The following DOCK6 variants were observed in gnomAD, a reference collection of about 807,000 sequenced individuals.
The protein encoded by DOCK6 is dedicator of cytokinesis protein 6.
Under a neutral mutation model 230.3 loss-of-function variants are expected in DOCK6, and 167 were observed. That is an observed-to-expected ratio of 0.73 (90% CI 0.64 to 0.82). The LOEUF (loss-of-function observed/expected upper bound fraction) is 0.82, where lower values mean the gene tolerates loss of function less well. Among genes scored for constraint, DOCK6 ranks in the 40% least tolerant of loss-of-function variants. The pLI is 0.00. For missense variants in DOCK6, 2,598 were observed against 2,825.8 expected, an observed-to-expected ratio of 0.92 and a Z score of 1.83; for synonymous variants, 1,148 against 1,185.0, an observed-to-expected ratio of 0.97 and a Z score of 0.64.
chr19:11,222,126 G>A lies in DOCK6; in HGVS notation c.3363C>T (p.Leu1121=), dbSNP rs368861311. The A allele has an allele frequency of 2.1e-5, 34 of 1,612,940 alleles. No individual in the cohort carries two copies. Among genetic ancestry groups the A allele is most frequent in the Middle Eastern group, 1.6e-4 (1 of 6,082 alleles). ...GLLLTELALA[L]EPEAEGAFLL... is the part of the protein sequence containing the mutation. ...CTGCTCACCCTTCAGCCTCAGGTTC[G>A]AGGGCCAGTGCCAGCTCCGTCAGCA... is the stretch of plus-strand genomic sequence containing the variant. The change falls in exon 27 of 48, where the codon CTC becomes CTT. Residue 1121 remains leucine (L), a synonymous_variant. Transcript: ENST00000294618. The surrounding 1 kb of genome is among the most constrained non-coding windows in gnomAD (Gnocchi z 4.0).
In DOCK6 at chr19:11,236,017, A is replaced by G; in HGVS notation, c.2393-258T>C. 2 of 503,114 alleles carry G rather than the reference A, an allele frequency of 4.0e-6. No homozygotes were observed. The highest frequency in any genetic ancestry group is 6.9e-6 in the Non-Finnish European group (2 of 290,642). The allele number at this position is 503,114 out of a possible 1,614,324, so 31.2% of individuals were successfully genotyped here. ...TGCCTCAGCCTCCCGAGTAGCTGGG[A>G]TTACAGGCATGCGCCACCACGCCCA... On this transcript the variant is annotated intron_variant, in intron 20 of 47. Coordinates refer to ENST00000294618, the MANE Select transcript of DOCK6 (RefSeq NM_020812.4). The surrounding 1 kb of genome is among the most constrained non-coding windows in gnomAD (Gnocchi z 5.2).
At position 11,204,296 on chromosome 19, in the gene DOCK6, C is replaced by A; in HGVS notation, c.5124G>T (p.Lys1708Asn). The change falls in exon 40 of 48, where the codon AAG becomes AAT. Residue 1708 changes from lysine to asparagine, a missense_variant. Transcript: ENST00000294618. ...GGGCTTCCAGGATGGGGATGAGGTTCTTGTAGACCTCATTCACCGCCTCGT... is the reference window on the plus strand; with the variant it reads ...GGGCTTCCAGGATGGGGATGAGGTTATTGTAGACCTCATTCACCGCCTCGT... ...GLYEAVNEVYKNLIPILEAHR... is the reference protein window; with the variant it reads ...GLYEAVNEVYNNLIPILEAHR... The A allele has an allele frequency of 6.2e-7, 1 of 1,610,506 alleles. No homozygotes were observed. The highest frequency in any genetic ancestry group is 8.5e-7 in the Non-Finnish European group (1 of 1,178,488).
At chr19:11,221,336 T>G (rs1471828197) in intron 28 of DOCK6, 1 of 162,868 alleles carries the variant, frequency 6.1e-6, no homozygotes, top group Non-Finnish European at 1.4e-5. Context: ...AGAGTGAAAA[T>G]GAGGCAGAAA....
At chr19:11,219,960 GT>G (rs1332458081) in intron 28 of DOCK6, among the ~76,000 whole-genome samples, 7 of 146,408 alleles carry the variant, frequency 4.8e-5, no homozygotes, top group Admixed American at 2.0e-4. Context: ...TTTGTTTTTT[GT>G]TTTTTTTTTG....
rs2079600319 is a variant in DOCK6 at position 11,222,762 on chromosome 19, G to A, written c.3213C>T (p.Ser1071=). Residue 1071 remains serine (S), a synonymous_variant, in exon 26 of 48, where the codon TCC becomes TCT. Coordinates refer to ENST00000294618, the MANE Select transcript of DOCK6 (RefSeq NM_020812.4). This position sits in a 1 kb window ranked among gnomAD's most constrained non-coding sequence, Gnocchi z 4.0. The part of the protein sequence containing the change: ...CCPLSPPASP[S]PSVSSTTSQS... ...GGGAGGTGGTGGAGGACACAGAGGG[G>A]GAGGGCGAGGCTGGAGGTGACAGGG... is the stretch of plus-strand genomic sequence containing the variant. The A allele has an allele frequency of 1.3e-6, 2 of 1,579,162 alleles. No individual in the cohort carries two copies. Among genetic ancestry groups the A allele is most frequent in the African/African-American group, 1.3e-5 (1 of 74,318 alleles).
intron 6 of DOCK6, among the ~76,000 whole-genome samples, chr19:11,250,169 C>G (rs926381259): frequency 7.3e-5 from 11 of 151,646 alleles, no homozygotes; most frequent in Admixed American, 2.6e-4. Flanking sequence ...CACTACCATG[C>G]CTGGTTAATT....
chr19:11,215,671 A>G, intron 31 of DOCK6, 130 bp downstream of exon 31: 2 of 1,495,078 alleles, frequency 1.3e-6, no homozygotes, highest in Non-Finnish European at 9.2e-7. Flanking sequence ...TACGGTGATG[A>G]TTTGTGGACT....
At chr19:11,233,147 A>G in intron 22 of DOCK6, 56 bp downstream of exon 22, 1 of 1,585,908 alleles carries the variant, frequency 6.3e-7, no homozygotes, top group East Asian at 2.3e-5. Context: ...CTTCGCCCAC[A>G]CACGTGGCAA....
chr19:11,255,708 C>CT (rs2080186745), intron 1 of DOCK6, among the ~76,000 whole-genome samples: 1 of 152,202 alleles, frequency 6.6e-6, no homozygotes, highest in African/African-American at 2.4e-5. Flanking sequence ...CTTAGTCCCT[C>CT]TTAAAATAGA....
rs1224837798 is a variant in DOCK6, at chr19:11,227,477, C to T, written c.2815G>A (p.Val939Met). ...AGCAGGTGCAGCGCCATACTCTTCA[C>T]CTGGGGGTGGGGTGAGAGGGCTGTG... The part of the protein sequence containing the change: ...QHAWFFFQLM[V>M]KSMALHLLLG... Residue 939 changes from valine to methionine, a missense_variant and splice_region_variant, in exon 24 of 48, where the codon GTG (valine) becomes ATG (methionine). Transcript: ENST00000294618. The T allele has an allele frequency of 2.5e-6, 4 of 1,572,562 alleles. No individual in the cohort carries two copies. The highest frequency in any genetic ancestry group is 3.4e-6 in the Non-Finnish European group (4 of 1,159,798).
chr19:11,259,556 C>CTTTTTTTTTTTTT (rs756965986), intron 1 of DOCK6, among the ~76,000 whole-genome samples: 41 of 103,676 alleles, frequency 4.0e-4, no homozygotes, highest in Non-Finnish European at 6.4e-4. Context: ...TATTTCTTTT[C>CTTTTTTTTTTTTT]TTTTTTTTTT....
intron 14 of DOCK6, 38 bp downstream of exon 14, chr19:11,242,007 T>C (rs1275299361): frequency 6.5e-7 from 1 of 1,544,848 alleles, no homozygotes. Flanking sequence ...TATGAATACC[T>C]CCCATTCAAG....
chr19:11,225,192 C>A (rs1173840594), intron 24 of DOCK6, among the ~76,000 whole-genome samples: 1 of 152,168 alleles, frequency 6.6e-6, no homozygotes, highest in Non-Finnish European at 1.5e-5. Flanking sequence ...CGTGCCATTG[C>A]ACTCCAGCCT....
intron 14 of DOCK6, chr19:11,241,523 C>G (rs1320500894): frequency 6.4e-7 from 1 of 1,552,806 alleles, no homozygotes; most frequent in Non-Finnish European, 8.7e-7. Context: ...GATGGTGGCA[C>G]AGCAGCATCG....
At chr19:11,209,762 C>T (rs1318218249) in intron 37 of DOCK6, among the ~76,000 whole-genome samples, 1 of 100,162 alleles carries the variant, frequency 1.0e-5, no homozygotes, top group Non-Finnish European at 2.2e-5. Context: ...CTGTCCACCC[C>T]CTCACTGTCC....
intron 14 of DOCK6, chr19:11,241,762 G>A (rs2079949148): frequency 1.3e-5 from 20 of 1,548,258 alleles, no homozygotes; most frequent in Admixed American, 2.0e-5. Context: ...CCTGTGCAGG[G>A]AGGAGCTGCC....
Position 11,222,993 on chromosome 19 carries a change from C to A in DOCK6, c.3069G>T (p.Gln1023His), listed in dbSNP as rs993534698. The A allele has an allele frequency of 1.9e-6, 3 of 1,613,862 alleles. No individual in the cohort carries two copies. The highest frequency in any genetic ancestry group is 2.5e-6 in the Non-Finnish European group (3 of 1,179,864). ...VFSLVRAHYK[Q>H]VATRLQSSPN... ...CCACCCTGCCCACGCCCACTCCTAC[C>A]TGCTTGTAGTGGGCCCGGACCAGGC... is the stretch of plus-strand genomic sequence containing the variant. Residue 1023 changes from glutamine to histidine, a missense_variant and splice_region_variant, in exon 25 of 48, where the codon CAG becomes CAT. Coordinates refer to ENST00000294618, the MANE Select transcript of DOCK6 (RefSeq NM_020812.4). The surrounding 1 kb of genome is among the most constrained non-coding windows in gnomAD (Gnocchi z 4.0).
chr19:11,233,940 T>C (rs536231984), intron 21 of DOCK6, among the ~76,000 whole-genome samples: 34 of 152,086 alleles, frequency 2.2e-4, no homozygotes, highest in Admixed American at 1.3e-3. Context: ...GTTTAAGCAA[T>C]TCTCTTGCCT....
intron 1 of DOCK6, among the ~76,000 whole-genome samples, chr19:11,259,872 G>A (rs1173930898): frequency 2.4e-5 from 3 of 126,904 alleles, no homozygotes; most frequent in Non-Finnish European, 4.9e-5. Context: ...CTGGGCCGCC[G>A]CGCCCGGCCT....
Sources: gnomAD v4.1 joint callset for allele counts (sites outside exome capture counted in the v4.1 genomes callset) on GRCh38, gnomAD v4.1.1 for gene constraint, Gnocchi (gnomAD v3.1) non-coding constraint, MANE v1.5 for transcripts, NCBI Gene and HGNC (gene_info 2026-07-23, HGNC 2026-07-21) for gene names.